APP: variants seen among roughly 807,000 people sequenced by gnomAD.
The protein encoded by APP is amyloid-beta precursor protein.
APP carries 31 observed loss-of-function variants against 101.4 expected under a neutral mutation model. The observed-to-expected ratio is 0.31, with a 90% CI of 0.23 to 0.41. The LOEUF is 0.41. APP is among the 10% of genes least tolerant of loss of function. APP has a pLI of 1.00. For synonymous variants in APP, 366 were observed against 364.4 expected, an observed-to-expected ratio of 1.00 and a Z score of -0.05; for missense variants, 839 against 1,003.7, an observed-to-expected ratio of 0.84 and a Z score of 2.22.
intron 5 of APP, among the ~76,000 whole-genome samples, chr21:26,050,665 T>C (rs2045799785): frequency 6.6e-6 from 1 of 152,098 alleles, no homozygotes; most frequent in Non-Finnish European, 1.5e-5. Context: ...CAGAGAGCAT[T>C]TAAAAATATT....
intron 3 of APP, among the ~76,000 whole-genome samples, chr21:26,057,331 C>G (rs1324941465): frequency 6.6e-6 from 1 of 152,210 alleles, no homozygotes; most frequent in African/African-American, 2.4e-5. Flanking sequence ...TTCCTGTTTA[C>G]AGCAAACTTT....
intron 17 of APP, among the ~76,000 whole-genome samples, chr21:25,886,617 A>T (rs530243878): frequency 1.3e-5 from 2 of 151,574 alleles, no homozygotes; most frequent in South Asian, 4.2e-4. Flanking sequence ...CTGGACTCGA[A>T]CTCCTAGCCT....
chr21:25,882,803 A>C (rs544871288), intron 17 of APP, among the ~76,000 whole-genome samples: 1 of 152,336 alleles, frequency 6.6e-6, no homozygotes, highest in East Asian at 1.9e-4. Context: ...GTTTGGATGT[A>C]CCATAGAGAA....
intron 6 of APP, among the ~76,000 whole-genome samples, chr21:26,016,808 T>C (rs1029501253): frequency 9.2e-5 from 14 of 151,984 alleles, no homozygotes; most frequent in African/African-American, 3.4e-4. Context: ...CTGACCTCGT[T>C]ATCCGCCTGC....
intron 11 of APP, among the ~76,000 whole-genome samples, chr21:25,957,648 G>T (rs901160209): frequency 6.6e-6 from 1 of 151,606 alleles, no homozygotes; most frequent in African/African-American, 2.4e-5. Context: ...CCTTGTAAAG[G>T]ATTTATTGTT....
At chr21:26,140,405 C>CGCACACT in intron 1 of APP, 1 of 1,398,222 alleles carries the variant, frequency 7.2e-7, no homozygotes, top group Non-Finnish European at 9.4e-7. Flanking sequence ...GTGGATCACA[C>CGCACACT]GCACACTGCG....
chr21:26,162,921 T>A (rs2063521666), intron 1 of APP, among the ~76,000 whole-genome samples: 3 of 138,230 alleles, frequency 2.2e-5, no homozygotes, highest in South Asian at 2.3e-4. Context: ...AAAAAAAAAA[T>A]TCCTATCAAA....
intron 5 of APP, among the ~76,000 whole-genome samples, chr21:26,027,001 A>C (rs2044607777): frequency 6.6e-6 from 1 of 152,188 alleles, no homozygotes; most frequent in African/African-American, 2.4e-5. Context: ...TGAACCTAAA[A>C]CTGCTCTAAA....
chr21:25,952,253 T>C (rs1299213735), intron 13 of APP, among the ~76,000 whole-genome samples: 2 of 149,466 alleles, frequency 1.3e-5, no homozygotes, highest in Admixed American at 1.3e-4. Context: ...AATATGTTCT[T>C]TATTTTTATT....
intron 7 of APP, 133 bp from the exon 8 acceptor site, chr21:25,997,549 C>A: frequency 1.3e-6 from 1 of 754,052 alleles, no homozygotes. Context: ...GTCCCTCCAA[C>A]AAAACCAAAA....
intron 5 of APP, among the ~76,000 whole-genome samples, chr21:26,048,279 C>T (rs183056940): frequency 3.3e-5 from 5 of 152,114 alleles, no homozygotes; most frequent in Middle Eastern, 3.4e-3. Flanking sequence ...GCCGAGATCA[C>T]GCCACTGCAC....
intron 13 of APP, among the ~76,000 whole-genome samples, chr21:25,923,051 A>G (rs901604047): frequency 7.0e-6 from 1 of 143,778 alleles, no homozygotes; most frequent in African/African-American, 2.6e-5. Flanking sequence ...AATGGAACAG[A>G]ACAGAGCCCT....
chr21:25,962,868 T>C (rs1330085590), intron 11 of APP, among the ~76,000 whole-genome samples: 1 of 152,142 alleles, frequency 6.6e-6, no homozygotes, highest in East Asian at 1.9e-4. Flanking sequence ...AGTGCAGTGG[T>C]GCACCTCCAC....
intron 3 of APP, among the ~76,000 whole-genome samples, chr21:26,083,929 G>A (rs2061647445): frequency 1.3e-5 from 2 of 152,038 alleles, no homozygotes; most frequent in South Asian, 2.1e-4. Flanking sequence ...TGCTATTAGA[G>A]CTCTTATCAA....
At chr21:25,890,556 T>C (rs1028001088) in intron 17 of APP, among the ~76,000 whole-genome samples, 2 of 151,808 alleles carry the variant, frequency 1.3e-5, no homozygotes, top group Non-Finnish European at 2.9e-5. Context: ...GCCTGACCAA[T>C]ATGGTGAAAC....
intron 3 of APP, among the ~76,000 whole-genome samples, chr21:26,069,790 C>T (rs1344438565): frequency 2.0e-5 from 3 of 152,078 alleles, no homozygotes; most frequent in Non-Finnish European, 2.9e-5. Context: ...ATAAAAACCT[C>T]CAAGAAAAAG....
rs987763277 is a variant in APP, at chr21:25,988,723, A to G, written c.1091-6246T>C. Among the ~76,000 whole-genome samples the G allele has an allele frequency of 9.9e-3, 1,459 of 146,852 alleles. 32 individuals carry two copies. Among genetic ancestry groups the G allele is most frequent in the African/African-American group, 0.036 (1,381 of 38,318 alleles). ...GTCTCAAAAAAAAAAAAAAAAAAAA[A>G]GGAGACAAAGATGAAGGTGGCTTGG... On this transcript the variant is annotated intron_variant, in intron 8 of 17. Coordinates refer to ENST00000346798, the MANE Select transcript of APP (RefSeq NM_000484.4).
At chr21:26,082,985 T>A (rs1231999579) in intron 3 of APP, among the ~76,000 whole-genome samples, 1 of 152,254 alleles carries the variant, frequency 6.6e-6, no homozygotes, top group African/African-American at 2.4e-5. Flanking sequence ...ATAGTAATTA[T>A]TTTAAATGGC....
At chr21:26,071,121 G>A (rs538380903) in intron 3 of APP, among the ~76,000 whole-genome samples, 377 of 152,188 alleles carry the variant, frequency 2.5e-3, no homozygotes, top group Non-Finnish European at 4.0e-3. Context: ...GCACATTTGC[G>A]GATTCGGCAG....
Sources: gnomAD v4.1 joint callset for allele counts (sites outside exome capture counted in the v4.1 genomes callset) on GRCh38, gnomAD v4.1.1 for gene constraint, MANE v1.5 for transcripts, NCBI Gene and HGNC (gene_info 2026-07-23, HGNC 2026-07-21) for gene names.